Variants in KDF1 observed in about 807,000 individuals in gnomAD.
KDF1 encodes the protein keratinocyte differentiation factor 1.
In KDF1, 11 loss-of-function variants were observed where a neutral mutation model predicts 31.6. The ratio of observed to expected loss-of-function variants is 0.35; its 90% CI spans 0.22 to 0.58. KDF1 has a LOEUF of 0.58. Ranked by LOEUF, KDF1 falls within the 20% of genes least tolerant of loss-of-function variation. The pLI is 0.83. For synonymous variants in KDF1, 205 were observed against 214.4 expected, an observed-to-expected ratio of 0.96 and a Z score of 0.38; for missense variants, 476 against 549.1, an observed-to-expected ratio of 0.87 and a Z score of 1.33.
Position 26,951,967 on chromosome 1 carries a change from A to G in KDF1, c.414T>C (p.Pro138=). ...CCCGCCGGCTGGGGGGTGCACGATC[A>G]GGGCTGGGGGGCACTCCATTGTGCT... is the stretch of plus-strand genomic sequence containing the variant. The part of the protein sequence containing the change: ...AKEHNGVPPS[P]DRAPPSRRDG... The change falls in exon 2 of 4, where the codon CCT becomes CCC. Residue 138 remains proline (P), a synonymous_variant. Transcript: ENST00000320567. This position sits in a 1 kb window ranked among gnomAD's most constrained non-coding sequence, Gnocchi z 5.4. The G allele has an allele frequency of 6.2e-7, 1 of 1,605,694 alleles. No individual in the cohort carries two copies. Among genetic ancestry groups the G allele is most frequent in the Non-Finnish European group, 8.5e-7 (1 of 1,174,038 alleles).
At chr1:26,955,348 G>C (rs1199624853) in intron 1 of KDF1, among the ~76,000 whole-genome samples, 4 of 151,968 alleles carry the variant, frequency 2.6e-5, no homozygotes, top group African/African-American at 9.7e-5. Flanking sequence ...TCCCTCTCCT[G>C]GTCCTTCAAA....
rs76742038 is a variant in KDF1 at position 26,959,681 on chromosome 1, A to T, written c.-33+669T>A. Among the ~76,000 whole-genome samples the T allele has an allele frequency of 2.8e-3, 423 of 150,460 alleles. 1 individual carries two copies. The highest frequency in any genetic ancestry group is 9.8e-3 in the African/African-American group (402 of 40,920). ...TCTTCCCCCTTAGTCCCGCGAACAC[A>T]CACACACACTCAAGGGTCTATGTAC... On this transcript the variant is annotated intron_variant, in intron 1 of 3. Transcript: ENST00000320567.
chr1:26,957,082 C>T (rs2082380305), intron 1 of KDF1, among the ~76,000 whole-genome samples: 1 of 152,088 alleles, frequency 6.6e-6, no homozygotes, highest in South Asian at 2.1e-4. Context: ...GCATACCACC[C>T]TGCCCCACTA....
At position 26,951,634 on chromosome 1, in the gene KDF1, C is replaced by T. The variant is rs1344163976; in HGVS notation, c.747G>A (p.Glu249=). The change falls in exon 2 of 4, where the codon GAG becomes GAA. Residue 249 remains glutamate (E), a synonymous_variant. Transcript: ENST00000320567. This position sits in a 1 kb window ranked among gnomAD's most constrained non-coding sequence, Gnocchi z 5.4. ...IDVLIFKKLT[E]LFSVHQIDEL... ...CATCGATCTGGTGTACGCTGAACAGCTCTGTCAGCTTCTTGAAGATGAGCA... is the reference window on the plus strand; with the variant it reads ...CATCGATCTGGTGTACGCTGAACAGTTCTGTCAGCTTCTTGAAGATGAGCA... 6.2e-7 allele frequency: 1 copy of T among 1,613,846 alleles called. No individual in the cohort carries two copies. Among genetic ancestry groups the T allele is most frequent in the Non-Finnish European group, 8.5e-7 (1 of 1,180,046 alleles).
rs1462378048 is a variant in KDF1 at position 26,949,830 on chromosome 1, C to T, written c.*239G>A. The T allele has an allele frequency of 1.2e-5, 6 of 480,228 alleles. No individual in the cohort carries two copies. The highest frequency in any genetic ancestry group is 2.3e-5 in the Non-Finnish European group (6 of 261,668). The allele number at this position is 480,228 out of a possible 1,614,324, so 29.7% of individuals were successfully genotyped here. ...TTCCATGATCAGGCCACCTGAAGAC[C>T]ATGAGCAGGAAGGAAGGGGCCCTGG... is the stretch of plus-strand genomic sequence containing the variant. On this transcript the variant is annotated 3_prime_UTR_variant, in exon 4 of 4. Transcript: ENST00000320567.
rs2082344643 is a variant in KDF1, at chr1:26,950,812, T to C, written c.1040-56A>G. 1 of 1,505,220 alleles carries C rather than the reference T, an allele frequency of 6.6e-7. No homozygotes were observed. The highest frequency in any genetic ancestry group is 9.2e-7 in the Non-Finnish European group (1 of 1,081,638). 93.2% of individuals were successfully genotyped at this position (1,505,220 alleles called of 1,614,324 possible). The stretch of plus-strand genomic sequence containing the variant: ...CATTAGCACGTTCTTTCAACCCTAT[T>C]TCCTACTTCTGTTCCCAGCCCGATG... On this transcript the variant is annotated intron_variant, in intron 2 of 3. Transcript: ENST00000320567. The surrounding 1 kb of genome is among the most constrained non-coding windows in gnomAD (Gnocchi z 4.0).
Position 26,951,887 on chromosome 1 carries a change from T to C in KDF1, c.494A>G (p.Lys165Arg). 6.2e-7 allele frequency: 1 copy of C among 1,611,138 alleles called. No individual in the cohort carries two copies. The highest frequency in any genetic ancestry group is 8.5e-7 in the Non-Finnish European group (1 of 1,177,998). ...MGSSFSYPDV[K>R]LKGIPVYPYP... Reference sequence around the variant, plus strand: ...GGGATACACAGGGATGCCTTTGAGCTTAACATCGGGGTAGCTGAAGCTGCT... The same window carrying C: ...GGGATACACAGGGATGCCTTTGAGCCTAACATCGGGGTAGCTGAAGCTGCT... The change falls in exon 2 of 4, where the codon AAG (lysine) becomes AGG (arginine). Residue 165 changes from lysine to arginine, a missense_variant. Transcript: ENST00000320567. The surrounding 1 kb of genome is among the most constrained non-coding windows in gnomAD (Gnocchi z 5.4).
At position 26,952,023 on chromosome 1, in the gene KDF1, C is replaced by T. The variant is rs761519934; in HGVS notation, c.358G>A (p.Glu120Lys). Residue 120 changes from glutamate (E) to lysine (K), a missense_variant, in exon 2 of 4, where the codon GAG becomes AAG. Glu to Lys is a moderately conservative substitution (Grantham distance 56). Coordinates refer to ENST00000320567, the MANE Select transcript of KDF1 (RefSeq NM_152365.3). This position sits in a 1 kb window ranked among gnomAD's most constrained non-coding sequence, Gnocchi z 4.1. ...GCCCAGTTGGCTTCAGCAGTCCCCT[C>T]AGTGGAGTCCTCAGTAGACAGGCAG... ...SPCLSTEDST[E>K]GTAEANWAKE... 6.2e-7 allele frequency: 1 copy of T among 1,613,458 alleles called. No homozygotes were observed. Among genetic ancestry groups the T allele is most frequent in the Non-Finnish European group, 8.5e-7 (1 of 1,179,838 alleles).
In KDF1 at chr1:26,950,117, GC is replaced by G. The variant is rs2082340377; in HGVS notation, c.1148del (p.Gly383AlafsTer102). The G allele has an allele frequency of 6.2e-7, 1 of 1,613,812 alleles. No homozygotes were observed. The highest frequency in any genetic ancestry group is 8.5e-7 in the Non-Finnish European group (1 of 1,179,878). ...GTGCCCCCGACGAGTCTGTGTCGGT[GC>G]CCTGGAAGGATGAGTCATGGCTTGC... is the stretch of plus-strand genomic sequence containing the variant. ...YPASHDSSFQ[G>X]TDTDSSGAPL... On this transcript the variant is annotated frameshift_variant, in exon 4 of 4. Transcript: ENST00000320567. LOFTEE classifies it high-confidence loss of function. This position sits in a 1 kb window ranked among gnomAD's most constrained non-coding sequence, Gnocchi z 4.0.
chr1:26,960,100 C>T lies in KDF1; in HGVS notation c.-33+250G>A, dbSNP rs182112907. Among the ~76,000 whole-genome samples, 152 of 152,286 alleles carry T rather than the reference C, an allele frequency of 1.0e-3. 1 individual carries two copies. Among genetic ancestry groups the T allele is most frequent in the African/African-American group, 3.2e-3 (132 of 41,570 alleles). ...TTTGTCCCATCCCGACGCTGCCCCC[C>T]GGTGAGTGCGGCCCCCGCACCCAGC... On this transcript the variant is annotated intron_variant, in intron 1 of 3. Coordinates refer to ENST00000320567, the MANE Select transcript of KDF1 (RefSeq NM_152365.3). The surrounding 1 kb of genome is among the most constrained non-coding windows in gnomAD (Gnocchi z 4.9).
Position 26,950,568 on chromosome 1 carries a change from G to A in KDF1, c.1114+114C>T, listed in dbSNP as rs960164715. Reference sequence around the variant, plus strand: ...CAGGTCTGTGGCTGCTTAGGTCCCCGTCCCTTTTTGATGTCATCCTCATCA... The same window carrying A: ...CAGGTCTGTGGCTGCTTAGGTCCCCATCCCTTTTTGATGTCATCCTCATCA... On this transcript the variant is annotated intron_variant, in intron 3 of 3. Coordinates refer to ENST00000320567, the MANE Select transcript of KDF1 (RefSeq NM_152365.3). This position sits in a 1 kb window ranked among gnomAD's most constrained non-coding sequence, Gnocchi z 4.0. 214 of 871,244 alleles carry A rather than the reference G, an allele frequency of 2.5e-4. No homozygotes were observed. The highest frequency in any genetic ancestry group is 3.3e-4 in the Non-Finnish European group (175 of 532,094). The allele number at this position is 871,244 out of a possible 1,614,324, so 54.0% of individuals were successfully genotyped here.
chr1:26,953,282 G>T (rs571730525), intron 1 of KDF1, among the ~76,000 whole-genome samples: 1 of 152,312 alleles, frequency 6.6e-6, no homozygotes, highest in African/African-American at 2.4e-5. Flanking sequence ...TGGCAATAAT[G>T]TGGAAAAACT....
At position 26,951,843 on chromosome 1, in the gene KDF1, G is replaced by A. The variant is rs1443532206; in HGVS notation, c.538C>T (p.Pro180Ser). The A allele has an allele frequency of 3.7e-6, 6 of 1,614,074 alleles. No individual in the cohort carries two copies. Among genetic ancestry groups the A allele is most frequent in the Non-Finnish European group, 5.1e-6 (6 of 1,180,010 alleles). ...PVYPYPRATS[P>S]APDADSCCKE... Reference sequence around the variant, plus strand: ...CAGCAGGAGTCCGCATCAGGGGCTGGGGAGGTGGCCCTCGGGTAGGGATAC... The same window carrying A: ...CAGCAGGAGTCCGCATCAGGGGCTGAGGAGGTGGCCCTCGGGTAGGGATAC... The change falls in exon 2 of 4, where the codon CCA (proline) becomes TCA (serine). Residue 180 changes from proline to serine, a missense_variant. Physicochemically the swap from Pro to Ser is moderately conservative, Grantham distance 74. Transcript: ENST00000320567. This position sits in a 1 kb window ranked among gnomAD's most constrained non-coding sequence, Gnocchi z 5.4.
At chr1:26,958,130 CTTTTT>C (rs537884216) in intron 1 of KDF1, among the ~76,000 whole-genome samples, 1 of 119,734 alleles carries the variant, frequency 8.4e-6, no homozygotes, top group Non-Finnish European at 1.8e-5. Context: ...GTTCTAAATT[CTTTTT>C]TTTTTTTTTT....
chr1:26,954,210 T>C (rs2082366085), intron 1 of KDF1, among the ~76,000 whole-genome samples: 1 of 151,234 alleles, frequency 6.6e-6, no homozygotes. Flanking sequence ...AATATGGGAA[T>C]GATGCTTAAA....
At chr1:26,959,194 T>G (rs1257092910) in intron 1 of KDF1, among the ~76,000 whole-genome samples, 1 of 152,082 alleles carries the variant, frequency 6.6e-6, no homozygotes, top group Non-Finnish European at 1.5e-5. Context: ...GTGCCACACA[T>G]CTCCAGCGGT....
In KDF1 at chr1:26,950,871, A is replaced by C. The variant is rs1001419260; in HGVS notation, c.1040-115T>G. 1.3e-4 allele frequency: 111 copies of C among 865,382 alleles called. No homozygotes were observed. Among genetic ancestry groups the C allele is most frequent in the Non-Finnish European group, 2.0e-4 (108 of 530,962 alleles). The allele number at this position is 865,382 out of a possible 1,614,324, so 53.6% of individuals were successfully genotyped here. A position where few individuals can be genotyped will look rare whatever the true frequency, so the allele number is the denominator to read the frequency against. ...GCCACTCACTCCTGGGCAGGGCTAG[A>C]AAAATAATGCTTAAAGACAGAGACA... On this transcript the variant is annotated intron_variant, in intron 2 of 3. Coordinates refer to ENST00000320567, the MANE Select transcript of KDF1 (RefSeq NM_152365.3). The surrounding 1 kb of genome is among the most constrained non-coding windows in gnomAD (Gnocchi z 4.0).
chr1:26,955,169 C>T (rs988401873), intron 1 of KDF1, among the ~76,000 whole-genome samples: 2 of 152,034 alleles, frequency 1.3e-5, no homozygotes, highest in African/African-American at 2.4e-5. Context: ...ACTATGGTAA[C>T]TTTTATAGCT....
rs1191811766 is a variant in KDF1, at chr1:26,950,684, G to A, written c.1112C>T (p.Pro371Leu). ...IARKLRPYGAPGYPASHDSSF... is the reference protein window; with the variant it reads ...IARKLRPYGALGYPASHDSSF... ...CCCTCATTAGGTCAAGACCACACCT[G>A]GAGCTCCATAAGGCCTCAGCTTCCG... Residue 371 changes from proline (P) to leucine (L), a missense_variant and splice_region_variant, in exon 3 of 4, where the codon CCA becomes CTA. Coordinates refer to ENST00000320567, the MANE Select transcript of KDF1 (RefSeq NM_152365.3). The surrounding 1 kb of genome is among the most constrained non-coding windows in gnomAD (Gnocchi z 4.0). 1.9e-6 allele frequency: 3 copies of A among 1,613,420 alleles called. No individual in the cohort carries two copies. The highest frequency in any genetic ancestry group is 1.7e-5 in the Admixed American group (1 of 59,988).
Sources: gnomAD v4.1 joint callset for allele counts (sites outside exome capture counted in the v4.1 genomes callset) on GRCh38, gnomAD v4.1.1 for gene constraint, Gnocchi (gnomAD v3.1) non-coding constraint, MANE v1.5 for transcripts, NCBI Gene and HGNC (gene_info 2026-07-23, HGNC 2026-07-21) for gene names.